The following CC2D2A variants were observed in gnomAD, a reference collection of about 807,000 sequenced individuals.
CC2D2A encodes coiled-coil and C2 domain containing 2A.
CC2D2A carries 155 observed loss-of-function variants against 212.9 expected under a neutral mutation model. The ratio of observed to expected loss-of-function variants is 0.73; its 90% CI spans 0.64 to 0.83. CC2D2A has a LOEUF of 0.83. Ranked by LOEUF, CC2D2A falls within the 40% of genes least tolerant of loss-of-function variation. The pLI, the probability that CC2D2A is intolerant of heterozygous loss-of-function variation, is 0.00. For synonymous variants in CC2D2A, 667 were observed against 686.5 expected (o/e 0.97, Z 0.44); for missense variants, 1,856 against 1,956.2 (o/e 0.95, Z 0.97).
intron 33 of CC2D2A, among the ~76,000 whole-genome samples, chr4:15,590,212 G>A (rs904883934): frequency 3.9e-5 from 6 of 152,094 alleles, no homozygotes; most frequent in African/African-American, 1.4e-4. Flanking sequence ...ATAAAGTAGT[G>A]GTTAAAAATA....
At chr4:15,527,307 A>C (rs1381126530) in intron 11 of CC2D2A, 140 bp from the exon 12 acceptor site, 6 of 554,642 alleles carry the variant, frequency 1.1e-5, no homozygotes, top group Non-Finnish European at 1.9e-5. Flanking sequence ...ACCTGGAAAT[A>C]AGTAATCAAG....
At chr4:15,585,107 C>G (rs1345957511) in intron 30 of CC2D2A, among the ~76,000 whole-genome samples, 1 of 152,112 alleles carries the variant, frequency 6.6e-6, no homozygotes, top group Non-Finnish European at 1.5e-5. Context: ...AAATTAAAAT[C>G]AGAACTACAA....
At chr4:15,572,393 G>A (rs1421744376) in intron 28 of CC2D2A, among the ~76,000 whole-genome samples, 1 of 151,962 alleles carries the variant, frequency 6.6e-6, no homozygotes, top group Non-Finnish European at 1.5e-5. Context: ...GAACTTTTTT[G>A]TTTCTATGTT....
chr4:15,598,488 T>C (rs1373561462), intron 35 of CC2D2A, among the ~76,000 whole-genome samples: 1 of 152,212 alleles, frequency 6.6e-6, no homozygotes, highest in Non-Finnish European at 1.5e-5. Flanking sequence ...CAATATCCCC[T>C]ACCTCGTAAG....
intron 12 of CC2D2A, 35 bp from the exon 13 acceptor site, chr4:15,528,585 T>G: frequency 6.3e-7 from 1 of 1,587,814 alleles, no homozygotes; most frequent in Non-Finnish European, 8.6e-7. Context: ...GGAATAGAGT[T>G]TGTAACCCAA....
intron 4 of CC2D2A, 97 bp downstream of exon 4, chr4:15,480,924 A>T: frequency 7.1e-7 from 1 of 1,412,070 alleles, no homozygotes; most frequent in Non-Finnish European, 9.5e-7. Context: ...GTTATTTTTC[A>T]TGCATTGCCA....
In CC2D2A at chr4:15,540,892, C is replaced by A; in HGVS notation, c.2059C>A (p.Leu687Met). 1 of 1,594,384 alleles carries A rather than the reference C, an allele frequency of 6.3e-7. No homozygotes were observed. Among genetic ancestry groups the A allele is most frequent in the East Asian group, 2.3e-5 (1 of 44,142 alleles). The part of the protein sequence containing the change: ...VKKRSVYLKV[L>M]FNNKEVSRTV... ...GAAGCGCTCAGTGTACTTAAAAGTG[C>A]TGTTCAACAACAAGGAGGTGTCCAG... is the stretch of plus-strand genomic sequence containing the variant. The change falls in exon 17 of 37, where the codon CTG becomes ATG. Residue 687 changes from leucine to methionine, a missense_variant. By Grantham distance (15) the Leu-to-Met change is conservative. Around this residue, in one of 5 missense-constraint regions of CC2D2A, gnomAD observed 1,512 missense variants for 1,579.3 expected, o/e 0.96. Transcript: ENST00000424120.
At chr4:15,599,801 T>C (rs987857081) in intron 36 of CC2D2A, 95 bp downstream of exon 36, 11 of 935,296 alleles carry the variant, frequency 1.2e-5, no homozygotes, top group Non-Finnish European at 1.7e-5. Flanking sequence ...AAGACCCACG[T>C]TGCTCCCAGA....
chr4:15,556,169 G>A (rs144721425), intron 20 of CC2D2A, among the ~76,000 whole-genome samples: 205 of 152,208 alleles, frequency 1.3e-3, no homozygotes, highest in Non-Finnish European at 2.2e-3. Flanking sequence ...TGGTTTTATT[G>A]GCAACTTCAT....
In CC2D2A at chr4:15,527,264, G is replaced by T. The variant is rs1265264037; in HGVS notation, c.1150-183G>T. Among the ~76,000 whole-genome samples, 4 of 152,146 alleles carry T rather than the reference G, an allele frequency of 2.6e-5. No individual in the cohort carries two copies. The East Asian group carries it at 5.8e-4, about 22-fold the overall frequency. On this transcript the variant is annotated intron_variant, in intron 11 of 36. Coordinates refer to ENST00000424120, the MANE Select transcript of CC2D2A (RefSeq NM_001378615.1). ...CTAACTCCCAGTCTTTCATTTTGCT[G>T]TTCAAATATTCAAAAAAGAGCTGGC...
At chr4:15,566,357 G>A (rs1433341814) in intron 24 of CC2D2A, among the ~76,000 whole-genome samples, 1 of 152,064 alleles carries the variant, frequency 6.6e-6, no homozygotes, top group East Asian at 1.9e-4. Context: ...AGAACAGACA[G>A]TGGGGAGAAC....
At chr4:15,596,713 C>T (rs1485041526) in intron 34 of CC2D2A, among the ~76,000 whole-genome samples, 3 of 152,110 alleles carry the variant, frequency 2.0e-5, no homozygotes, top group Non-Finnish European at 4.4e-5. Context: ...CCGGATCTAC[C>T]TTTCAGAAAA....
At chr4:15,592,924 A>C (rs2148491329) in intron 33 of CC2D2A, among the ~76,000 whole-genome samples, 1 of 152,150 alleles carries the variant, frequency 6.6e-6, no homozygotes. Flanking sequence ...CCTGATTCAA[A>C]CCCTCGAATT....
At chr4:15,559,307 C>T (rs1423476103) in intron 22 of CC2D2A, 50 bp downstream of exon 22, 2 of 1,212,238 alleles carry the variant, frequency 1.6e-6, no homozygotes, top group Non-Finnish European at 2.4e-6. Flanking sequence ...AGAGCCAGCA[C>T]CCTAAGGTGG....
chr4:15,478,288 A>C (rs1316665039), intron 2 of CC2D2A, among the ~76,000 whole-genome samples: 3 of 152,228 alleles, frequency 2.0e-5, no homozygotes, highest in Admixed American at 6.5e-5. Context: ...TAAGGCTGGA[A>C]AGCAGAAAAA....
rs1340560717 is a variant in CC2D2A, at chr4:15,527,547, A to T, written c.1250A>T (p.His417Leu). The change falls in exon 12 of 37, where the codon CAT becomes CTT. Residue 417 changes from histidine to leucine, a missense_variant. Transcript: ENST00000424120. ...DIDISGLIFT[H>L]HPCFSREHVL... Reference sequence around the variant, plus strand: ...GATATTTCAGGGTTAATCTTCACTCATCATCCCTGTTTTAGCCGAGAGCAT... The same window carrying T: ...GATATTTCAGGGTTAATCTTCACTCTTCATCCCTGTTTTAGCCGAGAGCAT... The T allele has an allele frequency of 6.2e-7, 1 of 1,613,562 alleles. No individual in the cohort carries two copies. The highest frequency in any genetic ancestry group is 8.5e-7 in the Non-Finnish European group (1 of 1,179,678).
At chr4:15,529,692 AT>A (rs1198025508) in intron 13 of CC2D2A, among the ~76,000 whole-genome samples, 1 of 151,486 alleles carries the variant, frequency 6.6e-6, no homozygotes, top group Non-Finnish European at 1.5e-5. Context: ...TTTTTATTCT[AT>A]TTTTTATTAT....
At chr4:15,504,037 TTTG>T (rs1716119623) in intron 6 of CC2D2A, among the ~76,000 whole-genome samples, 1 of 152,198 alleles carries the variant, frequency 6.6e-6, no homozygotes, top group Non-Finnish European at 1.5e-5. Context: ...CAATTGGTTT[TTTG>T]TTGTTTTTAT....
chr4:15,492,560 G>A (rs1715368152), intron 4 of CC2D2A, among the ~76,000 whole-genome samples: 1 of 151,554 alleles, frequency 6.6e-6, no homozygotes. Flanking sequence ...ACATGACAAA[G>A]TGGGGCTCCC....
Sources: gnomAD v4.1 joint callset for allele counts (sites outside exome capture counted in the v4.1 genomes callset) on GRCh38, gnomAD v4.1.1 for gene constraint, gnomAD v4.1.1 regional missense constraint, MANE v1.5 for transcripts, NCBI Gene and HGNC (gene_info 2026-07-23, HGNC 2026-07-21) for gene names.